The following ZZEF1 variants were observed in gnomAD, a reference collection of about 807,000 sequenced individuals.
The protein encoded by ZZEF1 is zinc finger ZZ-type and EF-hand domain-containing protein 1.
Under a neutral mutation model 342.8 loss-of-function variants are expected in ZZEF1, and 157 were observed. The observed-to-expected ratio is 0.46, with a 90% CI of 0.40 to 0.52. The LOEUF is 0.52. ZZEF1 is among the 20% of genes least tolerant of loss of function. The pLI is 0.00. For missense variants in ZZEF1, 3,480 were observed against 3,725.6 expected, an observed-to-expected ratio of 0.93 and a Z score of 1.72; for synonymous variants, 1,505 against 1,429.1, an observed-to-expected ratio of 1.05 and a Z score of -1.20.
At chr17:4,138,601 G>A (rs185874004) in intron 1 of ZZEF1, among the ~76,000 whole-genome samples, 157 of 152,196 alleles carry the variant, frequency 1.0e-3, no homozygotes, top group African/African-American at 3.5e-3. Flanking sequence ...AATCAAAAAG[G>A]CCCTTCCCTT....
rs2055864332 is a variant in ZZEF1 at position 4,008,642 on chromosome 17, T to G, written c.8805+241A>C. On this transcript the variant is annotated intron_variant, in intron 54 of 54. Transcript: ENST00000381638. The surrounding 1 kb of genome is among the most constrained non-coding windows in gnomAD (Gnocchi z 4.2). ...AACTAAATTTAAGGCATCGGTTGTT[T>G]TGGTTTTAAAGACACAAATTCTTCT... 1.6e-6 allele frequency: 2 copies of G among 1,224,392 alleles called. No individual in the cohort carries two copies. Among genetic ancestry groups the G allele is most frequent in the Non-Finnish European group, 2.0e-6 (2 of 981,000 alleles). The allele number at this position is 1,224,392 out of a possible 1,614,324, so 75.8% of individuals were successfully genotyped here. A position where few individuals can be genotyped will look rare whatever the true frequency, so the allele number is the denominator to read the frequency against.
intron 41 of ZZEF1, 97 bp downstream of exon 41, chr17:4,032,731 G>C: frequency 2.3e-6 from 3 of 1,307,558 alleles, no homozygotes; most frequent in Non-Finnish European, 3.2e-6. Context: ...CTTCCAAAGA[G>C]ATCTATGCCT....
At chr17:4,141,987 G>A (rs1374222233) in intron 1 of ZZEF1, among the ~76,000 whole-genome samples, 1 of 152,142 alleles carries the variant, frequency 6.6e-6, no homozygotes, top group Non-Finnish European at 1.5e-5. Flanking sequence ...ATCCTATGAA[G>A]GTTTAAATGA....
intron 18 of ZZEF1, among the ~76,000 whole-genome samples, chr17:4,079,054 A>T (rs2727062): frequency 0.85 from 129,256 of 152,226 alleles, 55,800 homozygotes; most frequent in Non-Finnish European, 0.93. Context: ...AAGACACACA[A>T]CTGATCTCCA....
Position 4,006,067 on chromosome 17 carries a change from T to G in ZZEF1, c.*823A>C, listed in dbSNP as rs1183220848. ...CTTAAAATAAGATATCCTCTGATCATCTTCACGGTACATAAGCTCACGCGT... is the reference window on the plus strand; with the variant it reads ...CTTAAAATAAGATATCCTCTGATCAGCTTCACGGTACATAAGCTCACGCGT... On this transcript the variant is annotated 3_prime_UTR_variant, in exon 55 of 55. Coordinates refer to ENST00000381638, the MANE Select transcript of ZZEF1 (RefSeq NM_015113.4). 1 of 152,254 alleles carries G rather than the reference T, an allele frequency of 6.6e-6. No individual in the cohort carries two copies. Among genetic ancestry groups the G allele is most frequent in the African/African-American group, 2.4e-5 (1 of 41,456 alleles). 9.4% of individuals were successfully genotyped at this position (152,254 alleles called of 1,614,324 possible).
Position 4,017,144 on chromosome 17 carries a change from G to C in ZZEF1, c.8001+227C>G, listed in dbSNP as rs1285271010. ...TGCACTTGGAAACTGGGAAGATGGCGACAAAGCTTTCTGGTTCAGCTGGAA... is the reference window on the plus strand; with the variant it reads ...TGCACTTGGAAACTGGGAAGATGGCCACAAAGCTTTCTGGTTCAGCTGGAA... On this transcript the variant is annotated intron_variant, in intron 48 of 54. Coordinates refer to ENST00000381638, the MANE Select transcript of ZZEF1 (RefSeq NM_015113.4). This position sits in a 1 kb window ranked among gnomAD's most constrained non-coding sequence, Gnocchi z 5.1. 1.8e-6 allele frequency: 1 copy of C among 563,216 alleles called. No homozygotes were observed. Among genetic ancestry groups the C allele is most frequent in the Non-Finnish European group, 3.0e-6 (1 of 332,076 alleles). 34.9% of individuals were successfully genotyped at this position (563,216 alleles called of 1,614,324 possible).
Position 4,142,985 on chromosome 17 carries a change from G to C in ZZEF1, c.-90C>G. The C allele has an allele frequency of 7.9e-7, 1 of 1,263,356 alleles. No homozygotes were observed. Among genetic ancestry groups the C allele is most frequent in the Non-Finnish European group, 9.9e-7 (1 of 1,008,478 alleles). 78.3% of individuals were successfully genotyped at this position (1,263,356 alleles called of 1,614,324 possible). On this transcript the variant is annotated 5_prime_UTR_variant, in exon 1 of 55. Transcript: ENST00000381638. Reference sequence around the variant, plus strand: ...AACCTCCGACAGCAGCTGGCGGGCGGGGACGCGGAGGAGACGACGGCGGCC... The same window carrying C: ...AACCTCCGACAGCAGCTGGCGGGCGCGGACGCGGAGGAGACGACGGCGGCC...
intron 11 of ZZEF1, among the ~76,000 whole-genome samples, chr17:4,092,766 C>A (rs1272141025): frequency 1.3e-5 from 2 of 151,998 alleles, no homozygotes; most frequent in African/African-American, 4.8e-5. Context: ...TGGGAGTTGT[C>A]AAGGAAATCT....
chr17:4,047,337 C>A (rs1034955427), intron 37 of ZZEF1, among the ~76,000 whole-genome samples: 4 of 152,162 alleles, frequency 2.6e-5, no homozygotes, highest in African/African-American at 9.7e-5. Context: ...AAACATGGGA[C>A]AATTTGAGCA....
At chr17:4,039,919 C>T (rs1049803475) in intron 39 of ZZEF1, among the ~76,000 whole-genome samples, 4 of 152,144 alleles carry the variant, frequency 2.6e-5, no homozygotes, top group South Asian at 2.1e-4. Flanking sequence ...GCTGGGATTA[C>T]AGGCGTGAGC....
At chr17:4,089,023 C>G in intron 12 of ZZEF1, 130 bp from the exon 13 acceptor site, 1 of 713,710 alleles carries the variant, frequency 1.4e-6, no homozygotes, top group Middle Eastern at 2.9e-4. Flanking sequence ...TTATGCTCAG[C>G]ACTAGGGACA....
Position 4,102,324 on chromosome 17 carries a change from T to G in ZZEF1, c.1665A>C (p.Thr555=), listed in dbSNP as rs142668349. The part of the protein sequence containing the change: ...GPENLLVEPW[T]RDGFLTETGK... Reference sequence around the variant, plus strand: ...GACAGACCCACCACTCACCATCCCTTGTCCACGGTTCAACAAGGAGGTTTT... The same window carrying G: ...GACAGACCCACCACTCACCATCCCTGGTCCACGGTTCAACAAGGAGGTTTT... The change falls in exon 9 of 55, where the codon ACA becomes ACC. Residue 555 remains threonine (T), a synonymous_variant. Coordinates refer to ENST00000381638, the MANE Select transcript of ZZEF1 (RefSeq NM_015113.4). The G allele has an allele frequency of 1.3e-4, 215 of 1,613,646 alleles. 2 individuals are homozygous for G. The African/African-American group carries it at 2.2e-3, about 17-fold the overall frequency.
At chr17:4,019,619 C>G in intron 46 of ZZEF1, 50 bp downstream of exon 46, 1 of 1,546,458 alleles carries the variant, frequency 6.5e-7, no homozygotes, top group Non-Finnish European at 8.9e-7. Context: ...CTCCCGCCCT[C>G]ACATATTCTC....
chr17:4,054,332 C>A, intron 33 of ZZEF1, 137 bp from the exon 34 acceptor site: 7 of 931,026 alleles, frequency 7.5e-6, no homozygotes, highest in Non-Finnish European at 1.1e-5. Context: ...AATGAATAAG[C>A]TCCTCAGTGT....
chr17:4,122,559 T>C (rs2058501260), intron 2 of ZZEF1, among the ~76,000 whole-genome samples: 2 of 152,272 alleles, frequency 1.3e-5, no homozygotes, highest in African/African-American at 4.8e-5. Flanking sequence ...TTTGTATTTT[T>C]AGTAGAGACG....
At chr17:4,024,619 T>C (rs781312358) in intron 43 of ZZEF1, among the ~76,000 whole-genome samples, 5 of 152,136 alleles carry the variant, frequency 3.3e-5, no homozygotes, top group East Asian at 1.9e-4. Flanking sequence ...AGCACAGGAA[T>C]TGTCATTTAG....
chr17:4,138,405 A>G (rs2058789252), intron 1 of ZZEF1, among the ~76,000 whole-genome samples: 1 of 152,240 alleles, frequency 6.6e-6, no homozygotes, highest in African/African-American at 2.4e-5. Flanking sequence ...GTGACTAAGA[A>G]CCTTTTAAAG....
intron 37 of ZZEF1, among the ~76,000 whole-genome samples, chr17:4,045,832 T>C (rs989625727): frequency 2.3e-5 from 1 of 43,224 alleles, no homozygotes; most frequent in African/African-American, 2.5e-4. Flanking sequence ...TTGTTCTTGT[T>C]TTTTTTTTTT....
rs1404678550 is a variant in ZZEF1, at chr17:4,036,813, ACACACT to A, written c.6307-2527_6307-2522del. On this transcript the variant is annotated intron_variant, in intron 39 of 54. Coordinates refer to ENST00000381638, the MANE Select transcript of ZZEF1 (RefSeq NM_015113.4). ...CACACACACACACACACACACACAC[ACACACT>A]CTCTCTCTCTCTCTCTCTCTCTCTC... is the stretch of plus-strand genomic sequence containing the variant. Among the ~76,000 whole-genome samples, 680 of 96,658 alleles carry A rather than the reference ACACACT, an allele frequency of 7.0e-3. 4 individuals are homozygous for A. Among genetic ancestry groups the A allele is most frequent in the South Asian group, 0.012 (38 of 3,182 alleles). 63.4% of individuals were successfully genotyped at this position (96,658 alleles called of 152,430 possible). A position where few individuals can be genotyped will look rare whatever the true frequency, so the allele number is the denominator to read the frequency against.
Sources: gnomAD v4.1 joint callset for allele counts (sites outside exome capture counted in the v4.1 genomes callset) on GRCh38, gnomAD v4.1.1 for gene constraint, Gnocchi (gnomAD v3.1) non-coding constraint, MANE v1.5 for transcripts, NCBI Gene and HGNC (gene_info 2026-07-23, HGNC 2026-07-21) for gene names.